The following ZNF804A variants were observed in gnomAD, a reference collection of about 807,000 sequenced individuals.
The protein encoded by ZNF804A is zinc finger protein 804A.
ZNF804A carries 2 observed loss-of-function variants against 16.5 expected under a neutral mutation model. That is an observed-to-expected ratio of 0.12 (90% CI 0.05 to 0.38). The LOEUF is 0.38. Among genes scored for constraint, ZNF804A ranks in the 10% least tolerant of loss-of-function variants. The pLI, the probability that ZNF804A is intolerant of heterozygous loss-of-function variation, is 0.99. For missense variants in ZNF804A, 1,473 were observed against 1,390.7 expected (o/e 1.06, Z -0.94); for synonymous variants, 534 against 489.6 (o/e 1.09, Z -1.20).
chr2:184,728,287 C>T (rs1693449849), intron 1 of ZNF804A, among the ~76,000 whole-genome samples: 2 of 151,720 alleles, frequency 1.3e-5, no homozygotes, highest in African/African-American at 4.8e-5. Flanking sequence ...GACTATTTTC[C>T]AGTTCCGTGC....
At position 184,620,552 on chromosome 2, in the gene ZNF804A, A is replaced by G. The variant is rs149946839; in HGVS notation, c.111+21482A>G. Among the ~76,000 whole-genome samples, 212 of 151,928 alleles carry G rather than the reference A, an allele frequency of 1.4e-3. 3 individuals are homozygous for G. The East Asian group carries it at 0.021, about 15-fold the overall frequency. ...AGATTGAATTAAACAGGGTAGTAAC[A>G]GGATATGATGATTCTCCCTTTATGA... On this transcript the variant is annotated intron_variant, in intron 1 of 3. Transcript: ENST00000302277.
At chr2:184,615,193 A>T (rs995853114) in intron 1 of ZNF804A, among the ~76,000 whole-genome samples, 2 of 152,222 alleles carry the variant, frequency 1.3e-5, no homozygotes, top group Admixed American at 1.3e-4. Context: ...ACACCATGGA[A>T]TACTATGCAG....
intron 1 of ZNF804A, among the ~76,000 whole-genome samples, chr2:184,693,968 CA>C (rs1692777017): frequency 6.7e-6 from 1 of 149,362 alleles, no homozygotes; most frequent in Admixed American, 6.7e-5. Context: ...CTCACTCTGC[CA>C]CCCAGGCTGG....
At chr2:184,762,031 A>G (rs1466156528) in intron 1 of ZNF804A, among the ~76,000 whole-genome samples, 2 of 152,070 alleles carry the variant, frequency 1.3e-5, no homozygotes, top group Non-Finnish European at 2.9e-5. Context: ...CGTATAGCTT[A>G]GATGCTGAAA....
chr2:184,878,225 C>G (rs553260922), intron 2 of ZNF804A, among the ~76,000 whole-genome samples: 1 of 151,974 alleles, frequency 6.6e-6, no homozygotes, highest in Non-Finnish European at 1.5e-5. Context: ...CCTGGTAATC[C>G]TGCTATGGAC....
intron 2 of ZNF804A, among the ~76,000 whole-genome samples, chr2:184,898,395 G>A (rs906479562): frequency 2.3e-5 from 3 of 130,848 alleles, no homozygotes; most frequent in Non-Finnish European, 4.7e-5. Flanking sequence ...GAAGTCTGTG[G>A]TAAAAATTAC....
At chr2:184,703,337 T>G (rs1302298952) in intron 1 of ZNF804A, among the ~76,000 whole-genome samples, 1 of 152,158 alleles carries the variant, frequency 6.6e-6, no homozygotes, top group African/African-American at 2.4e-5. Context: ...AAAATATTGC[T>G]AAACCCTGTT....
chr2:184,934,209 C>T (rs796213020), intron 3 of ZNF804A, among the ~76,000 whole-genome samples: 30 of 152,158 alleles, frequency 2.0e-4, no homozygotes, highest in Admixed American at 7.2e-4. Context: ...ACATTAAGTG[C>T]GCTGTGAATA....
intron 1 of ZNF804A, among the ~76,000 whole-genome samples, chr2:184,637,801 T>C (rs1691725122): frequency 6.6e-6 from 1 of 152,184 alleles, no homozygotes; most frequent in South Asian, 2.1e-4. Flanking sequence ...TGGGCCACTG[T>C]AGCTTGAGGG....
intron 1 of ZNF804A, among the ~76,000 whole-genome samples, chr2:184,793,421 A>G (rs1694583619): frequency 6.6e-6 from 1 of 151,804 alleles, no homozygotes; most frequent in Non-Finnish European, 1.5e-5. Context: ...TTCCTCTGCA[A>G]CCTCTCCAGC....
At chr2:184,795,950 C>CT (rs142809575) in intron 1 of ZNF804A, among the ~76,000 whole-genome samples, 7,762 of 148,316 alleles carry the variant, frequency 0.052, 247 homozygotes, top group Non-Finnish European at 0.077. Context: ...ATGTCGAATG[C>CT]TTTTTTTTTA....
chr2:184,648,585 G>A (rs1691923949), intron 1 of ZNF804A, among the ~76,000 whole-genome samples: 1 of 152,058 alleles, frequency 6.6e-6, no homozygotes, highest in African/African-American at 2.4e-5. Flanking sequence ...ACAGTAAAGG[G>A]TTGAAGAAAG....
At chr2:184,794,658 A>G (rs920492701) in intron 1 of ZNF804A, among the ~76,000 whole-genome samples, 3 of 152,140 alleles carry the variant, frequency 2.0e-5, no homozygotes, top group African/African-American at 7.2e-5. Flanking sequence ...CTCACATTTC[A>G]ATACTAATGT....
chr2:184,639,448 C>G (rs879615983), intron 1 of ZNF804A, among the ~76,000 whole-genome samples: 4 of 152,054 alleles, frequency 2.6e-5, no homozygotes, highest in Non-Finnish European at 5.9e-5. Flanking sequence ...CTTTGTGAAA[C>G]TTTATGGCTG....
chr2:184,681,706 C>T (rs1692543219), intron 1 of ZNF804A, among the ~76,000 whole-genome samples: 1 of 152,220 alleles, frequency 6.6e-6, no homozygotes, highest in African/African-American at 2.4e-5. Flanking sequence ...GCAGCCCGGA[C>T]TGTGCACTCC....
chr2:184,892,427 G>A (rs1229583182), intron 2 of ZNF804A, among the ~76,000 whole-genome samples: 1 of 151,070 alleles, frequency 6.6e-6, no homozygotes, highest in Non-Finnish European at 1.5e-5. Flanking sequence ...GACAGAAGAG[G>A]AAAGATACCA....
chr2:184,891,405 G>A (rs79646068), intron 2 of ZNF804A, among the ~76,000 whole-genome samples: 1,926 of 152,064 alleles, frequency 0.013, 34 homozygotes, highest in African/African-American at 0.044. Context: ...ATGTTGGCAG[G>A]GTGCTCTACA....
intron 1 of ZNF804A, among the ~76,000 whole-genome samples, chr2:184,720,635 A>G (rs1379399636): frequency 6.6e-6 from 1 of 152,214 alleles, no homozygotes; most frequent in African/African-American, 2.4e-5. Context: ...AAGATGTCTT[A>G]TAATCATGGA....
intron 1 of ZNF804A, among the ~76,000 whole-genome samples, chr2:184,852,229 T>TTCTCTCTC (rs10618125): frequency 2.6e-3 from 355 of 134,750 alleles, no homozygotes; most frequent in African/African-American, 6.4e-3. Flanking sequence ...TGCGGTCTCT[T>TTCTCTCTC]TCTCTCTCTC....
Sources: gnomAD v4.1 joint callset for allele counts (sites outside exome capture counted in the v4.1 genomes callset) on GRCh38, gnomAD v4.1.1 for gene constraint, MANE v1.5 for transcripts, NCBI Gene and HGNC (gene_info 2026-07-23, HGNC 2026-07-21) for gene names.